Variants in PCDHA4 observed in about 807,000 individuals in gnomAD.
PCDHA4 encodes the protein protocadherin alpha 4, also known as protocadherin alpha-4.
PCDHA4 carries 49 observed loss-of-function variants against 61.4 expected under a neutral mutation model. That is an observed-to-expected ratio of 0.80 (90% CI 0.63 to 1.01). The LOEUF is 1.01. Among genes scored for constraint, PCDHA4 ranks in the 50% least tolerant of loss-of-function variants. The pLI, the probability that PCDHA4 is intolerant of heterozygous loss-of-function variation, is 0.00. For missense variants in PCDHA4, 1,254 were observed against 1,235.8 expected (o/e 1.01, Z -0.22); for synonymous variants, 590 against 550.3 (o/e 1.07, Z -1.01).
intron 1 of PCDHA4, chr5:140,877,199 C>T (rs1345698735): frequency 8.7e-6 from 14 of 1,613,698 alleles, no homozygotes; most frequent in Non-Finnish European, 1.2e-5. Flanking sequence ...GCAGGAGGCG[C>T]AGTTAGCGAG....
chr5:140,869,745 T>C (rs1407210744), intron 1 of PCDHA4: 3 of 1,613,220 alleles, frequency 1.9e-6, no homozygotes, highest in Non-Finnish European at 2.5e-6. Context: ...TGCTAACAGC[T>C]ACAGACGGGG....
chr5:140,839,338 AG>A (rs2150296431), intron 1 of PCDHA4, among the ~76,000 whole-genome samples: 1 of 151,246 alleles, frequency 6.6e-6, no homozygotes, highest in Non-Finnish European at 1.5e-5. Context: ...TGAAGTTGAT[AG>A]GGGATCCTCC....
intron 1 of PCDHA4, chr5:140,969,240 C>T: frequency 6.2e-7 from 1 of 1,614,198 alleles, no homozygotes; most frequent in South Asian, 1.1e-5. Context: ...GCCCAAGCAG[C>T]AGTGACTGAC....
intron 1 of PCDHA4, chr5:140,882,175 G>T: frequency 6.6e-7 from 1 of 1,515,152 alleles, no homozygotes; most frequent in Non-Finnish European, 8.8e-7. Flanking sequence ...GAATCCTTCC[G>T]CACTAGGAAG....
chr5:140,810,589 T>G (rs543690112), intron 1 of PCDHA4: 1 of 152,334 alleles, frequency 6.6e-6, no homozygotes, highest in African/African-American at 2.4e-5. Context: ...ACCTTTCTAT[T>G]TTATTTTGGC....
At chr5:140,923,299 G>A (rs921157994) in intron 1 of PCDHA4, among the ~76,000 whole-genome samples, 17 of 152,330 alleles carry the variant, frequency 1.1e-4, no homozygotes, top group Middle Eastern at 3.4e-3. Context: ...TTAGCTGGGC[G>A]TGGGGGCGCT....
At chr5:140,950,343 A>C (rs1169343189) in intron 1 of PCDHA4, among the ~76,000 whole-genome samples, 9 of 151,988 alleles carry the variant, frequency 5.9e-5, no homozygotes, top group African/African-American at 2.2e-4. Context: ...GATTTATCTT[A>C]GTTTTCCTTT....
At chr5:140,854,204 A>G in intron 1 of PCDHA4, 1 of 510,702 alleles carries the variant, frequency 2.0e-6, no homozygotes, top group Non-Finnish European at 2.5e-6. Flanking sequence ...CCTACTTTTT[A>G]TTCAATATTG....
At chr5:140,967,051 G>A in intron 1 of PCDHA4, 1 of 1,612,562 alleles carries the variant, frequency 6.2e-7, no homozygotes, top group Non-Finnish European at 8.5e-7. Context: ...TGGACCTGAC[G>A]AGTGGAGCGC....
intron 1 of PCDHA4, chr5:140,882,692 A>G (rs998224514): frequency 6.2e-7 from 1 of 1,614,204 alleles, no homozygotes; most frequent in South Asian, 1.1e-5. Context: ...ACGAATAATC[A>G]TTGCAGAATC....
intron 1 of PCDHA4, chr5:140,829,062 A>G (rs1250772416): frequency 6.2e-7 from 1 of 1,612,838 alleles, no homozygotes; most frequent in South Asian, 1.1e-5. Context: ...GACGCCACGG[A>G]CAAAGGCCAT....
At chr5:140,967,727 G>C in intron 1 of PCDHA4, 2 of 1,614,148 alleles carry the variant, frequency 1.2e-6, no homozygotes, top group Non-Finnish European at 1.7e-6. Flanking sequence ...GCGAGTAATT[G>C]GGGGGCTGGA....
At chr5:140,975,938 T>C (rs2096690603) in intron 1 of PCDHA4, among the ~76,000 whole-genome samples, 1 of 152,160 alleles carries the variant, frequency 6.6e-6, no homozygotes, top group Admixed American at 6.5e-5. Context: ...TTTGAAGCAA[T>C]AGGACATATT....
intron 1 of PCDHA4, among the ~76,000 whole-genome samples, chr5:140,933,677 T>G (rs1024721491): frequency 6.6e-6 from 1 of 151,826 alleles, no homozygotes; most frequent in African/African-American, 2.4e-5. Flanking sequence ...CTCTCTCACA[T>G]TTTTTTTCCT....
chr5:140,956,809 T>C (rs868918745), intron 1 of PCDHA4, among the ~76,000 whole-genome samples: 2 of 152,198 alleles, frequency 1.3e-5, no homozygotes, highest in Non-Finnish European at 1.5e-5. Flanking sequence ...TATTTATTAT[T>C]GCTTCAATTT....
intron 1 of PCDHA4, among the ~76,000 whole-genome samples, chr5:140,890,396 A>C (rs1466548320): frequency 1.3e-5 from 2 of 152,134 alleles, no homozygotes; most frequent in African/African-American, 4.8e-5. Context: ...ATAATCTATA[A>C]ATTTTAACTT....
chr5:140,857,501 G>T, intron 1 of PCDHA4: 1 of 1,598,358 alleles, frequency 6.3e-7, no homozygotes. Context: ...GGACGCGCAG[G>T]AGAACGCCCT....
intron 1 of PCDHA4, chr5:140,870,531 G>C (rs1554164370): frequency 6.2e-7 from 1 of 1,614,196 alleles, no homozygotes; most frequent in Admixed American, 1.7e-5. Flanking sequence ...TCTTCACAGT[G>C]TCGGCGCGGG....
chr5:140,821,929 G>A (rs2150112109), intron 1 of PCDHA4: 2 of 1,614,194 alleles, frequency 1.2e-6, no homozygotes, highest in Non-Finnish European at 1.7e-6. Context: ...GCAGGACCTA[G>A]GGCTGGAGCT....
Sources: gnomAD v4.1 joint callset for allele counts (sites outside exome capture counted in the v4.1 genomes callset) on GRCh38, gnomAD v4.1.1 for gene constraint, MANE v1.5 for transcripts, NCBI Gene and HGNC (gene_info 2026-07-23, HGNC 2026-07-21) for gene names.